Variants in TBC1D9B observed in about 807,000 individuals in gnomAD.
TBC1D9B encodes the protein TBC1 domain family member 9B.
Under a neutral mutation model 121.1 loss-of-function variants are expected in TBC1D9B, and 87 were observed. That is an observed-to-expected ratio of 0.72 (90% CI 0.60 to 0.86). The LOEUF (loss-of-function observed/expected upper bound fraction) is 0.86. TBC1D9B is among the 40% of genes least tolerant of loss of function. The pLI, the probability that TBC1D9B is intolerant of heterozygous loss-of-function variation, is 0.00. For synonymous variants in TBC1D9B, 668 were observed against 670.1 expected (o/e 1.00, Z 0.05); for missense variants, 1,540 against 1,628.6 (o/e 0.95, Z 0.94).
chr5:179,905,448 C>T (rs1761285164), intron 1 of TBC1D9B, among the ~76,000 whole-genome samples: 1 of 152,174 alleles, frequency 6.6e-6, no homozygotes, highest in Admixed American at 6.5e-5. Flanking sequence ...CTCAAAAAAT[C>T]ATAACTGAAG....
rs1761257851 is a variant in TBC1D9B at position 179,904,541 on chromosome 5, A to C, written c.229+161T>G. Among the ~76,000 whole-genome samples, 1 of 152,050 alleles carries C rather than the reference A, an allele frequency of 6.6e-6. No individual in the cohort carries two copies. The highest frequency in any genetic ancestry group is 1.5e-5 in the Non-Finnish European group (1 of 67,996). ...CACCGGGCCACGGAGCTGCCTTTCT[A>C]AGATGGAAGCGAAGGCTCCTCCACT... On this transcript the variant is annotated intron_variant, in intron 2 of 20. Coordinates refer to ENST00000355235, the MANE Select transcript of TBC1D9B (RefSeq NM_015043.4). The surrounding 1 kb of genome is among the most constrained non-coding windows in gnomAD (Gnocchi z 4.2).
intron 7 of TBC1D9B, among the ~76,000 whole-genome samples, chr5:179,881,998 A>C (rs993506005): frequency 7.1e-6 from 1 of 140,856 alleles, no homozygotes; most frequent in African/African-American, 2.9e-5. Flanking sequence ...AGGCAGGAGT[A>C]CAGAGGTGTG....
rs1006338866 is a variant in TBC1D9B, at chr5:179,865,675, C to T, written c.2914+163G>A. The T allele has an allele frequency of 4.9e-5, 38 of 782,800 alleles. No individual in the cohort carries two copies. Among genetic ancestry groups the T allele is most frequent in the African/African-American group, 3.8e-4 (22 of 57,280 alleles). 48.5% of individuals were successfully genotyped at this position (782,800 alleles called of 1,614,324 possible). ...GGGTGCCCGTGGGGCTGGTGGAGAG[C>T]GTGGAGCCTCCTGTGCATCCCGAGG... On this transcript the variant is annotated intron_variant, in intron 19 of 20. Transcript: ENST00000355235. The surrounding 1 kb of genome is among the most constrained non-coding windows in gnomAD (Gnocchi z 5.1).
At chr5:179,886,295 T>A (rs565590579) in intron 7 of TBC1D9B, among the ~76,000 whole-genome samples, 1 of 152,358 alleles carries the variant, frequency 6.6e-6, no homozygotes, top group Non-Finnish European at 1.5e-5. Context: ...TTCACTGTTC[T>A]ACTCCTGGGG....
chr5:179,868,061 G>A lies in TBC1D9B; in HGVS notation c.2792-212C>T, dbSNP rs138174580. 628 of 410,406 alleles carry A rather than the reference G, an allele frequency of 1.5e-3. 4 individuals are homozygous for A. Among genetic ancestry groups the A allele is most frequent in the Middle Eastern group, 5.8e-3 (9 of 1,550 alleles). 25.4% of individuals were successfully genotyped at this position (410,406 alleles called of 1,614,324 possible). On this transcript the variant is annotated intron_variant, in intron 17 of 20. Transcript: ENST00000355235. ...TTTCCTCAGCTTTTTTTTTTTTAAT[G>A]GACTCTCACTTTATCACCCATGCTG...
At position 179,902,024 on chromosome 5, in the gene TBC1D9B, G is replaced by C. The variant is rs1370246105; in HGVS notation, c.229+2678C>G. Among the ~76,000 whole-genome samples the C allele has an allele frequency of 6.6e-6, 1 of 152,236 alleles. No homozygotes were observed. Among genetic ancestry groups the C allele is most frequent in the Non-Finnish European group, 1.5e-5 (1 of 68,038 alleles). On this transcript the variant is annotated intron_variant, in intron 2 of 20. Transcript: ENST00000355235. This position sits in a 1 kb window ranked among gnomAD's most constrained non-coding sequence, Gnocchi z 4.9. ...AGATGAAGCTGAGGCACAGAGAGGT[G>C]AAATAAGTTACCCAAGGTCACACAG...
chr5:179,869,501 C>T (rs755952978), intron 17 of TBC1D9B: 3 of 637,506 alleles, frequency 4.7e-6, no homozygotes, highest in South Asian at 3.0e-5. Context: ...GTTTTGGGTC[C>T]AGCTGCCTCC....
In TBC1D9B at chr5:179,899,186, T is replaced by C. The variant is rs1254798474; in HGVS notation, c.348+3A>G. ...AGAACAGAGAGTGGCGGGTAAACCT[T>C]ACGTGTATCTTGCCCTTGACGAAGG... is the stretch of plus-strand genomic sequence containing the variant. On this transcript the variant is annotated splice_donor_region_variant and intron_variant, in intron 3 of 20. Coordinates refer to ENST00000355235, the MANE Select transcript of TBC1D9B (RefSeq NM_015043.4). The C allele has an allele frequency of 6.3e-7, 1 of 1,598,748 alleles. No homozygotes were observed. The highest frequency in any genetic ancestry group is 8.5e-7 in the Non-Finnish European group (1 of 1,170,924).
At position 179,875,086 on chromosome 5, in the gene TBC1D9B, G is replaced by A; in HGVS notation, c.2002C>T (p.Leu668=). The A allele has an allele frequency of 6.2e-7, 1 of 1,614,090 alleles. No homozygotes were observed. Among genetic ancestry groups the A allele is most frequent in the Non-Finnish European group, 8.5e-7 (1 of 1,180,028 alleles). Residue 668 remains leucine, a synonymous_variant, in exon 12 of 21, where the codon CTG becomes TTG. Coordinates refer to ENST00000355235, the MANE Select transcript of TBC1D9B (RefSeq NM_015043.4). The surrounding 1 kb of genome is among the most constrained non-coding windows in gnomAD (Gnocchi z 4.5). ...AGGAAGAGGGTCAGGAACCAGGACA[G>A]CGAGATGCTGGAGATCACCCCCAGG... ...QDLGVISSIS[L]SWFLTLFLSV...
In TBC1D9B at chr5:179,879,121, G is replaced by T; in HGVS notation, c.1493C>A (p.Thr498Lys). 6.2e-7 allele frequency: 1 copy of T among 1,608,018 alleles called. No individual in the cohort carries two copies. The change falls in exon 9 of 21, where the codon ACA (threonine) becomes AAA (lysine). Residue 498 changes from threonine to lysine, a missense_variant. Coordinates refer to ENST00000355235, the MANE Select transcript of TBC1D9B (RefSeq NM_015043.4). ...CAGGACCAGTGCCCGCGTCTTGGCT[G>T]TGCGGTACATGCACACGCCACGCCC... is the stretch of plus-strand genomic sequence containing the variant. ...EYGRGVCMYR[T>K]AKTRALVLKG...
At chr5:179,872,866 CT>C in intron 14 of TBC1D9B, 25 bp downstream of exon 14, 3 of 1,566,234 alleles carry the variant, frequency 1.9e-6, no homozygotes, top group Admixed American at 1.7e-5. Flanking sequence ...AGCCCAGCCC[CT>C]GCCCAGCCCT....
At chr5:179,880,741 GA>G (rs891835940) in intron 7 of TBC1D9B, among the ~76,000 whole-genome samples, 62 of 144,880 alleles carry the variant, frequency 4.3e-4, no homozygotes, top group African/African-American at 7.1e-4. Flanking sequence ...AAGGAAAAAG[GA>G]AAAAAAAAAA....
chr5:179,896,945 T>C (rs374760098), intron 3 of TBC1D9B, among the ~76,000 whole-genome samples: 12 of 152,196 alleles, frequency 7.9e-5, no homozygotes, highest in African/African-American at 2.7e-4. Flanking sequence ...CTCGCTCTGT[T>C]GCCCAGGCTG....
At chr5:179,901,879 AAAT>A (rs1465949422) in intron 2 of TBC1D9B, among the ~76,000 whole-genome samples, 1 of 152,256 alleles carries the variant, frequency 6.6e-6, no homozygotes, top group African/African-American at 2.4e-5. Context: ...CTGGGAATAA[AAAT>A]AATATAATAG....
At chr5:179,871,342 G>C (rs248252) in intron 15 of TBC1D9B, 120 bp downstream of exon 15, 485,126 of 1,014,352 alleles carry the variant, frequency 0.48, 126,664 homozygotes, top group African/African-American at 0.85. Context: ...ATCTGTTTCT[G>C]TTTTTCTATT....
rs895638055 is a variant in TBC1D9B at position 179,901,811 on chromosome 5, TA to T, written c.230-2505del. Among the ~76,000 whole-genome samples, 96 of 152,202 alleles carry T rather than the reference TA, an allele frequency of 6.3e-4. 3 individuals are homozygous for T. Among genetic ancestry groups the T allele is most frequent in the Non-Finnish European group, 1.0e-4 (7 of 68,030 alleles). On this transcript the variant is annotated intron_variant, in intron 2 of 20. Transcript: ENST00000355235. The stretch of plus-strand genomic sequence containing the variant: ...ACATATGTGCATTAAAAATATTAGT[TA>T]AAAGTAACTCAATCTTCATTTCATA...
chr5:179,894,378 G>A lies in TBC1D9B; in HGVS notation c.577+8C>T, dbSNP rs1204444751. The A allele has an allele frequency of 1.1e-5, 18 of 1,606,508 alleles. No individual in the cohort carries two copies. The highest frequency in any genetic ancestry group is 2.2e-5 in the East Asian group (1 of 44,622). On this transcript the variant is annotated splice_region_variant and intron_variant, in intron 4 of 20. Coordinates refer to ENST00000355235, the MANE Select transcript of TBC1D9B (RefSeq NM_015043.4). ...TGGGGGCTGGGGCACACTGAGGGGC[G>A]GGCTCACCTTCCTTCCCCAGCAGGA...
At chr5:179,899,096 C>T (rs559343184) in intron 3 of TBC1D9B, 93 bp downstream of exon 3, 14 of 1,036,386 alleles carry the variant, frequency 1.4e-5, no homozygotes, top group South Asian at 4.6e-5. Context: ...AAAATGGGGA[C>T]GCACCCTACA....
Position 179,865,676 on chromosome 5 carries a change from G to T in TBC1D9B, c.2914+162C>A. 1 of 796,912 alleles carries T rather than the reference G, an allele frequency of 1.3e-6. No homozygotes were observed. Among genetic ancestry groups the T allele is most frequent in the Non-Finnish European group, 2.0e-6 (1 of 499,278 alleles). 49.4% of individuals were successfully genotyped at this position (796,912 alleles called of 1,614,324 possible). On this transcript the variant is annotated intron_variant, in intron 19 of 20. Coordinates refer to ENST00000355235, the MANE Select transcript of TBC1D9B (RefSeq NM_015043.4). This position sits in a 1 kb window ranked among gnomAD's most constrained non-coding sequence, Gnocchi z 5.1. ...GGTGCCCGTGGGGCTGGTGGAGAGC[G>T]TGGAGCCTCCTGTGCATCCCGAGGC...
Sources: gnomAD v4.1 joint callset for allele counts (sites outside exome capture counted in the v4.1 genomes callset) on GRCh38, gnomAD v4.1.1 for gene constraint, Gnocchi (gnomAD v3.1) non-coding constraint, MANE v1.5 for transcripts, NCBI Gene and HGNC (gene_info 2026-07-23, HGNC 2026-07-21) for gene names.